Variants in FER observed in about 807,000 individuals in gnomAD.
The protein encoded by FER is tyrosine-protein kinase Fer.
In FER, 63 loss-of-function variants were observed where a neutral mutation model predicts 111.0. That is an observed-to-expected ratio of 0.57 (90% CI 0.46 to 0.70). The LOEUF is 0.70. FER is among the 30% of genes least tolerant of loss of function. The probability of loss-of-function intolerance (pLI) is 0.00; values close to 1 mark genes in which losing one functional copy is unlikely to be tolerated. For missense variants in FER, 914 were observed against 954.0 expected, an observed-to-expected ratio of 0.96 and a Z score of 0.55; for synonymous variants, 327 against 313.9, an observed-to-expected ratio of 1.04 and a Z score of -0.44.
chr5:108,787,845 T>A (rs1480397059), intron 2 of FER, among the ~76,000 whole-genome samples: 2 of 152,100 alleles, frequency 1.3e-5, no homozygotes, highest in Non-Finnish European at 2.9e-5. Flanking sequence ...CCACTTTGAG[T>A]CTCCTGAGAG....
intron 13 of FER, among the ~76,000 whole-genome samples, chr5:109,036,257 C>A (rs1341755011): frequency 2.6e-5 from 4 of 152,040 alleles, no homozygotes; most frequent in Non-Finnish European, 5.9e-5. Context: ...CCTAAGTTTT[C>A]TTCCAGGATC....
rs1747647137 is a variant in FER at position 109,097,201 on chromosome 5, G to C, written c.1925-3195G>C. On this transcript the variant is annotated intron_variant, in intron 16 of 19. Coordinates refer to ENST00000281092, the MANE Select transcript of FER (RefSeq NM_005246.4). ...TGGTTAATCAGACCTAGGTCAGTCT[G>C]ACTTAAATGTCCATGTCTTTTCACC... 4.0e-5 allele frequency among the ~76,000 whole-genome samples: 6 copies of C among 151,870 alleles called. No individual in the cohort carries two copies. The South Asian group carries it at 1.2e-3, about 32-fold the overall frequency.
At chr5:108,873,263 C>A (rs1434088207) in intron 8 of FER, among the ~76,000 whole-genome samples, 1 of 152,082 alleles carries the variant, frequency 6.6e-6, no homozygotes, top group Non-Finnish European at 1.5e-5. Flanking sequence ...CATGCCTCAG[C>A]CTCCTGAGTA....
In FER at chr5:109,084,871, T is replaced by A. The variant is rs1777383848; in HGVS notation, c.1925-15525T>A. Among the ~76,000 whole-genome samples the A allele has an allele frequency of 2.0e-5, 3 of 151,922 alleles. No homozygotes were observed. The South Asian group carries it at 6.2e-4, about 31-fold the overall frequency. ...AAAAGACTTCCCTTTCCTCATTGAG[T>A]TGCTTCGGTGTCTATGTTATAAATG... On this transcript the variant is annotated intron_variant, in intron 16 of 19. Coordinates refer to ENST00000281092, the MANE Select transcript of FER (RefSeq NM_005246.4).
intron 10 of FER, among the ~76,000 whole-genome samples, chr5:108,944,838 A>T (rs2149621490): frequency 6.6e-6 from 1 of 152,234 alleles, no homozygotes; most frequent in African/African-American, 2.4e-5. Flanking sequence ...ATCTATAAAG[A>T]ACCTTCATAT....
intron 13 of FER, among the ~76,000 whole-genome samples, chr5:108,962,012 C>G (rs1212111307): frequency 6.6e-6 from 1 of 152,144 alleles, no homozygotes; most frequent in African/African-American, 2.4e-5. Flanking sequence ...TATCTCTGCT[C>G]CTACCCATAA....
At chr5:108,959,441 C>T (rs1267616723) in intron 13 of FER, 94 bp downstream of exon 13, 2 of 1,263,264 alleles carry the variant, frequency 1.6e-6, no homozygotes. Context: ...AGGTTATATG[C>T]TAGTAGTTCA....
At chr5:108,943,964 G>T (rs1400022005) in intron 10 of FER, among the ~76,000 whole-genome samples, 1 of 151,952 alleles carries the variant, frequency 6.6e-6, no homozygotes, top group African/African-American at 2.4e-5. Context: ...AAACTCCTGG[G>T]TTCGAGCAAT....
chr5:108,855,763 G>T (rs1367093943), intron 5 of FER, among the ~76,000 whole-genome samples: 2 of 152,156 alleles, frequency 1.3e-5, no homozygotes, highest in Non-Finnish European at 2.9e-5. Context: ...AGTTAGCAAA[G>T]TGTAGGTTAT....
chr5:108,855,462 A>C (rs1044904354), intron 5 of FER, among the ~76,000 whole-genome samples: 6 of 152,020 alleles, frequency 3.9e-5, no homozygotes, highest in Non-Finnish European at 5.9e-5. Context: ...CTGCTAAAAA[A>C]TACAAAAAAT....
At chr5:109,125,605 G>A (rs1751613209) in intron 17 of FER, among the ~76,000 whole-genome samples, 1 of 152,190 alleles carries the variant, frequency 6.6e-6, no homozygotes, top group Non-Finnish European at 1.5e-5. Context: ...AAGATTCAGT[G>A]TAAAGTGTTT....
rs189445086 is a variant in FER at position 108,931,261 on chromosome 5, A to T, written c.1237-14869A>T. ...CTTCAAATGGTATATTGTGACTATT[A>T]TCTTTTATGTAGCCCTTAAAACTTC... On this transcript the variant is annotated intron_variant, in intron 10 of 19. Coordinates refer to ENST00000281092, the MANE Select transcript of FER (RefSeq NM_005246.4). 4.6e-5 allele frequency among the ~76,000 whole-genome samples: 7 copies of T among 152,322 alleles called. No homozygotes were observed. In the East Asian group the frequency reaches 1.3e-3, roughly 29 times the overall value.
In FER at chr5:109,194,994, T is replaced by G. The variant is rs997058078; in HGVS notation, c.*7419T>G. ...CTGGAATCTGGTATTACTGAGATCC[T>G]AGGTAAAAGAACCAGCCTGGCAGTC... On this transcript the variant is annotated 3_prime_UTR_variant, in exon 20 of 20. Transcript: ENST00000281092. 1 of 152,234 alleles carries G rather than the reference T, an allele frequency of 6.6e-6. No homozygotes were observed. Among genetic ancestry groups the G allele is most frequent in the Non-Finnish European group, 1.5e-5 (1 of 68,048 alleles). The allele number at this position is 152,234 out of a possible 1,614,324, so 9.4% of individuals were successfully genotyped here.
chr5:109,157,332 C>T (rs1199768984), intron 17 of FER, among the ~76,000 whole-genome samples: 1 of 152,010 alleles, frequency 6.6e-6, no homozygotes, highest in East Asian at 1.9e-4. Context: ...CTTTAAAATG[C>T]AATTTACTGC....
intron 5 of FER, among the ~76,000 whole-genome samples, chr5:108,854,347 C>T (rs543434488): frequency 9.9e-5 from 15 of 152,202 alleles, no homozygotes; most frequent in African/African-American, 3.6e-4. Flanking sequence ...GGCACTAGAG[C>T]CGTTTCAAAC....
At chr5:108,845,034 A>G (rs1761832829) in intron 5 of FER, among the ~76,000 whole-genome samples, 1 of 55,776 alleles carries the variant, frequency 1.8e-5, no homozygotes, top group African/African-American at 6.4e-5. Flanking sequence ...ATATATATAT[A>G]TATATACATA....
At chr5:109,179,774 C>G (rs1582414363) in intron 17 of FER, among the ~76,000 whole-genome samples, 1 of 150,556 alleles carries the variant, frequency 6.6e-6, no homozygotes, top group South Asian at 2.1e-4. Context: ...TGTGCATATG[C>G]AAATCTACAC....
chr5:109,189,376 C>T lies in FER; in HGVS notation c.*1801C>T, dbSNP rs975354604. On this transcript the variant is annotated 3_prime_UTR_variant, in exon 20 of 20. Coordinates refer to ENST00000281092, the MANE Select transcript of FER (RefSeq NM_005246.4). ...AGAGCTTAGGGATAGAAAATGCCTC[C>T]TGCCCTCTCCAGCTGTTTGCTGCCT... The T allele has an allele frequency of 5.9e-5, 9 of 152,214 alleles. No homozygotes were observed. The highest frequency in any genetic ancestry group is 2.2e-4 in the African/African-American group (9 of 41,440). The allele number at this position is 152,214 out of a possible 1,614,324, so 9.4% of individuals were successfully genotyped here.
intron 5 of FER, among the ~76,000 whole-genome samples, chr5:108,867,204 G>A (rs942342410): frequency 1.4e-4 from 21 of 152,030 alleles, no homozygotes; most frequent in Non-Finnish European, 2.2e-4. Context: ...TCCTAGTAGC[G>A]TTCAGCTAAT....
Sources: allele counts gnomAD v4.1 joint callset (sites outside exome capture counted in the v4.1 genomes callset), GRCh38; gene constraint gnomAD v4.1.1; transcripts MANE v1.5; gene names NCBI Gene and HGNC (gene_info 2026-07-23, HGNC 2026-07-21).